Variants in ETFA observed in about 807,000 individuals in gnomAD.
ETFA encodes electron transfer flavoprotein subunit alpha, mitochondrial.
Under a neutral mutation model 46.2 loss-of-function variants are expected in ETFA, and 22 were observed. The observed-to-expected ratio is 0.48, with a 90% CI of 0.34 to 0.68. ETFA has a LOEUF of 0.68. Ranked by LOEUF, ETFA falls within the 30% of genes least tolerant of loss-of-function variation. The pLI is 0.01. For synonymous variants in ETFA, 131 were observed against 139.9 expected, an observed-to-expected ratio of 0.94 and a Z score of 0.45; for missense variants, 345 against 401.1, an observed-to-expected ratio of 0.86 and a Z score of 1.19.
rs1263820606 is a variant in ETFA, at chr15:76,225,880, G to A, written c.932C>T (p.Ala311Val). The part of the protein sequence containing the change: ...KDPEAPIFQV[A>V]DYGIVADLFK... ...TAAATCTGCAACTATTCCATAATCT[G>A]CCACTTGGAAAATTGGAGCTTCTGG... The change falls in exon 11 of 12, where the codon GCA (alanine) becomes GTA (valine). Residue 311 changes from alanine to valine, a missense_variant. Transcript: ENST00000557943. 2.5e-6 allele frequency: 4 copies of A among 1,610,988 alleles called. No homozygotes were observed. In the African/African-American group the frequency reaches 4.0e-5, roughly 16 times the overall value.
intron 11 of ETFA, among the ~76,000 whole-genome samples, chr15:76,225,352 G>A (rs2038993604): frequency 6.6e-6 from 1 of 152,070 alleles, no homozygotes; most frequent in African/African-American, 2.4e-5. Context: ...GTAGTGGCAC[G>A]ATCTCTGCTC....
rs1384711330 is a variant in ETFA at position 76,304,132 on chromosome 15, T to C, written c.39+7218A>G. Among the ~76,000 whole-genome samples the C allele has an allele frequency of 2.6e-5, 4 of 152,208 alleles. No homozygotes were observed. The East Asian group carries it at 7.7e-4, about 29-fold the overall frequency. ...CATTAAAAAGAATGAGATCATGTCC[T>C]TTAGAGCAACATGGACAGTGCTGGA... On this transcript the variant is annotated intron_variant, in intron 1 of 11. Coordinates refer to ENST00000557943, the MANE Select transcript of ETFA (RefSeq NM_000126.4).
intron 8 of ETFA, among the ~76,000 whole-genome samples, chr15:76,277,857 C>A (rs192594737): frequency 9.9e-5 from 15 of 152,128 alleles, no homozygotes; most frequent in African/African-American, 3.6e-4. Flanking sequence ...GACTTCAAGT[C>A]CCCCTACCCC....
At chr15:76,225,763 C>CT in intron 11 of ETFA, 86 bp downstream of exon 11, 1 of 873,636 alleles carries the variant, frequency 1.1e-6, no homozygotes. Flanking sequence ...ACAATGTTTT[C>CT]TTTTAATAGC....
At chr15:76,305,832 T>C (rs1007302987) in intron 1 of ETFA, among the ~76,000 whole-genome samples, 12 of 152,016 alleles carry the variant, frequency 7.9e-5, no homozygotes, top group Non-Finnish European at 1.3e-4. Context: ...GAACACATTT[T>C]GGTCCTTCTC....
intron 9 of ETFA, among the ~76,000 whole-genome samples, chr15:76,247,654 T>G (rs2039256443): frequency 6.6e-6 from 1 of 152,252 alleles, no homozygotes; most frequent in Admixed American, 6.5e-5. Flanking sequence ...ATTCATCATG[T>G]ATCTTTAACA....
At chr15:76,310,671 T>C (rs961258785) in intron 1 of ETFA, among the ~76,000 whole-genome samples, 1 of 152,186 alleles carries the variant, frequency 6.6e-6, no homozygotes, top group African/African-American at 2.4e-5. Context: ...TAATCTACAA[T>C]CTGCTGGTTA....
Position 76,216,372 on chromosome 15 carries a change from C to T in ETFA, c.*187G>A, listed in dbSNP as rs1385827062. On this transcript the variant is annotated 3_prime_UTR_variant, in exon 12 of 12. Coordinates refer to ENST00000557943, the MANE Select transcript of ETFA (RefSeq NM_000126.4). ...AAGTTCAAACAATAATTGTTTGGAA[C>T]CACAAATAATTAAAAGGAAACACAG... 5.3e-6 allele frequency: 3 copies of T among 570,164 alleles called. No individual in the cohort carries two copies. Among genetic ancestry groups the T allele is most frequent in the Non-Finnish European group, 9.3e-6 (3 of 323,788 alleles). 35.3% of individuals were successfully genotyped at this position (570,164 alleles called of 1,614,324 possible). A position where few individuals can be genotyped will look rare whatever the true frequency, so the allele number is the denominator to read the frequency against.
At chr15:76,286,157 C>T (rs1320106396) in intron 6 of ETFA, among the ~76,000 whole-genome samples, 1 of 152,204 alleles carries the variant, frequency 6.6e-6, no homozygotes, top group Non-Finnish European at 1.5e-5. Context: ...CTCCCTTGAT[C>T]TACCAAAGCA....
rs372742146 is a variant in ETFA at position 76,284,560 on chromosome 15, G to T, written c.665-735C>A. 1.2e-4 allele frequency: 21 copies of T among 170,248 alleles called. 1 individual carries two copies. Among genetic ancestry groups the T allele is most frequent in the East Asian group, 8.7e-4 (5 of 5,776 alleles). 10.5% of individuals were successfully genotyped at this position (170,248 alleles called of 1,614,324 possible). A position where few individuals can be genotyped will look rare whatever the true frequency, so the allele number is the denominator to read the frequency against. Reference sequence around the variant, plus strand: ...GGCTGAAATGCAATGGTGCGATCTCGGCTCACTGCAACCTCTGCCTCCCAG... The same window carrying T: ...GGCTGAAATGCAATGGTGCGATCTCTGCTCACTGCAACCTCTGCCTCCCAG... On this transcript the variant is annotated intron_variant, in intron 7 of 11. Transcript: ENST00000557943.
At chr15:76,281,550 C>A in intron 8 of ETFA, among the ~76,000 whole-genome samples, 1 of 151,996 alleles carries the variant, frequency 6.6e-6, no homozygotes, top group East Asian at 1.9e-4. Flanking sequence ...CTTAGCCTCC[C>A]AAGTAGCTGG....
intron 9 of ETFA, among the ~76,000 whole-genome samples, chr15:76,269,315 T>A (rs1433036289): frequency 6.6e-6 from 1 of 152,230 alleles, no homozygotes; most frequent in Non-Finnish European, 1.5e-5. Context: ...TTGGAATATG[T>A]CTGGGGTCCA....
At chr15:76,271,065 G>C (rs1486441679) in intron 9 of ETFA, among the ~76,000 whole-genome samples, 1 of 151,482 alleles carries the variant, frequency 6.6e-6, no homozygotes, top group African/African-American at 2.4e-5. Flanking sequence ...AGCTACTCAG[G>C]AGGCTGAGAC....
At chr15:76,269,962 A>G (rs957009854) in intron 9 of ETFA, among the ~76,000 whole-genome samples, 4 of 152,380 alleles carry the variant, frequency 2.6e-5, no homozygotes, top group East Asian at 1.9e-4. Flanking sequence ...TTCATAAGGA[A>G]GATGTTTAAA....
chr15:76,305,941 G>A (rs952332012), intron 1 of ETFA, among the ~76,000 whole-genome samples: 22 of 150,784 alleles, frequency 1.5e-4, no homozygotes, highest in Admixed American at 9.3e-4. Context: ...CTGGTCTCCT[G>A]GACTCAAGTG....
intron 10 of ETFA, chr15:76,229,173 A>C (rs1438720470): frequency 6.6e-6 from 1 of 152,250 alleles, no homozygotes; most frequent in Non-Finnish European, 1.5e-5. Flanking sequence ...TGCAACTGTC[A>C]GATTTAAACC....
rs141870785 is a variant in ETFA at position 76,262,935 on chromosome 15, T to G, written c.816+11477A>C. Reference sequence around the variant, plus strand: ...GGAACTTAAAAGTGCTGGGGGGAACTATACCTGAAATTCTATACCTAAGAA... The same window carrying G: ...GGAACTTAAAAGTGCTGGGGGGAACGATACCTGAAATTCTATACCTAAGAA... On this transcript the variant is annotated intron_variant, in intron 9 of 11. Coordinates refer to ENST00000557943, the MANE Select transcript of ETFA (RefSeq NM_000126.4). 1.1e-3 allele frequency among the ~76,000 whole-genome samples: 175 copies of G among 152,282 alleles called. 1 individual carries two copies. Among genetic ancestry groups the G allele is most frequent in the African/African-American group, 4.0e-3 (168 of 41,546 alleles).
rs373269673 is a variant in ETFA, at chr15:76,296,434, A to G, written c.40-697T>C. Among the ~76,000 whole-genome samples, 13 of 152,296 alleles carry G rather than the reference A, an allele frequency of 8.5e-5. No individual in the cohort carries two copies. The East Asian group carries it at 1.5e-3, about 18-fold the overall frequency. Reference sequence around the variant, plus strand: ...AACTAGGAACTGGTCAAATTCTACTACCAATTACATTTGGTTACATACTGT... The same window carrying G: ...AACTAGGAACTGGTCAAATTCTACTGCCAATTACATTTGGTTACATACTGT... On this transcript the variant is annotated intron_variant, in intron 1 of 11. Transcript: ENST00000557943.
intron 9 of ETFA, chr15:76,260,119 C>T: frequency 5.4e-6 from 8 of 1,485,392 alleles, no homozygotes; most frequent in Non-Finnish European, 7.5e-6. Flanking sequence ...CCGCACTGAA[C>T]CAAACTCTCC....
Sources: allele counts gnomAD v4.1 joint callset (sites outside exome capture counted in the v4.1 genomes callset), GRCh38; gene constraint gnomAD v4.1.1; transcripts MANE v1.5; gene names NCBI Gene and HGNC (gene_info 2026-07-23, HGNC 2026-07-21).